Variants in APCDD1 observed in about 807,000 individuals in gnomAD.
The protein encoded by APCDD1 is protein APCDD1.
A neutral mutation model predicts 38.1 loss-of-function variants in APCDD1; 15 were observed. The observed-to-expected ratio is 0.39, with a 90% confidence interval of 0.26 to 0.61. The LOEUF (loss-of-function observed/expected upper bound fraction) is 0.61, where lower values mean the gene tolerates loss of function less well. APCDD1 is among the 20% of genes least tolerant of loss of function. APCDD1 has a pLI of 0.49. For synonymous variants in APCDD1, 261 were observed against 279.7 expected (o/e 0.93, Z 0.67); for missense variants, 647 against 696.2 (o/e 0.93, Z 0.79).
At chr18:10,487,486 A>G in intron 4 of APCDD1, 104 bp from the exon 5 acceptor site, 1 of 1,204,252 alleles carries the variant, frequency 8.3e-7, no homozygotes, top group Non-Finnish European at 1.2e-6. Context: ...GTTTTTGGAA[A>G]AGAAAGCCTT....
chr18:10,461,036 G>C (rs962375010), intron 1 of APCDD1, among the ~76,000 whole-genome samples: 1 of 152,130 alleles, frequency 6.6e-6, no homozygotes, highest in African/African-American at 2.4e-5. Context: ...TTTTTAAAAT[G>C]TGATATCTTT....
At chr18:10,482,895 A>G (rs867519226) in intron 3 of APCDD1, among the ~76,000 whole-genome samples, 2 of 152,246 alleles carry the variant, frequency 1.3e-5, no homozygotes, top group Non-Finnish European at 2.9e-5. Context: ...TACCGTACTC[A>G]GTGATGCTTT....
intron 3 of APCDD1, among the ~76,000 whole-genome samples, chr18:10,474,643 C>G (rs2030948661): frequency 6.6e-6 from 1 of 152,162 alleles, no homozygotes; most frequent in Admixed American, 6.5e-5. Flanking sequence ...AAAAATTAAC[C>G]ATCATCACGT....
chr18:10,487,378 G>A (rs1056187822), intron 4 of APCDD1, among the ~76,000 whole-genome samples: 1 of 152,174 alleles, frequency 6.6e-6, no homozygotes, highest in Non-Finnish European at 1.5e-5. Flanking sequence ...GCAGCATATC[G>A]GTGTGACTGC....
At position 10,454,876 on chromosome 18, in the gene APCDD1, C is replaced by T. The variant is rs2030327511; in HGVS notation, c.-106C>T. 4.0e-6 allele frequency: 5 copies of T among 1,240,106 alleles called. No homozygotes were observed. In the East Asian group the frequency reaches 1.6e-4, roughly 39 times the overall value. The allele number at this position is 1,240,106 out of a possible 1,614,324, so 76.8% of individuals were successfully genotyped here. A position where few individuals can be genotyped will look rare whatever the true frequency, so the allele number is the denominator to read the frequency against. ...CGCGGCAGCCGCCTGAAGCCCCGGC[C>T]TGGCCCGGCCGCACCCGGCCGGAGG... On this transcript the variant is annotated 5_prime_UTR_variant, in exon 1 of 5. Transcript: ENST00000355285.
chr18:10,460,638 G>A lies in APCDD1; in HGVS notation c.58+5599G>A, dbSNP rs577290071. Among the ~76,000 whole-genome samples the A allele has an allele frequency of 3.9e-5, 6 of 152,078 alleles. No individual in the cohort carries two copies. In the South Asian group the frequency reaches 8.3e-4, roughly 21 times the overall value. Reference sequence around the variant, plus strand: ...TATTTCACTTTTTCCTGTATATGTCGCAATGATTCAAGCCTAAGAGATACC... The same window carrying A: ...TATTTCACTTTTTCCTGTATATGTCACAATGATTCAAGCCTAAGAGATACC... On this transcript the variant is annotated intron_variant, in intron 1 of 4. Transcript: ENST00000355285.
Position 10,472,195 on chromosome 18 carries a change from T to C in APCDD1, c.774+134T>C, listed in dbSNP as rs899023134. The C allele has an allele frequency of 6.3e-6, 8 of 1,268,702 alleles. No homozygotes were observed. The highest frequency in any genetic ancestry group is 2.9e-5 in the African/African-American group (2 of 67,896). The allele number at this position is 1,268,702 out of a possible 1,614,324, so 78.6% of individuals were successfully genotyped here. ...ATGGCGGGGCAGGCCAAGGTGGGGC[T>C]GCTGCGAGGTGGGAGGAGATGGGAA... On this transcript the variant is annotated intron_variant, in intron 3 of 4. Coordinates refer to ENST00000355285, the MANE Select transcript of APCDD1 (RefSeq NM_153000.5). This position sits in a 1 kb window ranked among gnomAD's most constrained non-coding sequence, Gnocchi z 6.6.
At position 10,454,826 on chromosome 18, in the gene APCDD1, C is replaced by A; in HGVS notation, c.-156C>A. The stretch of plus-strand genomic sequence containing the variant: ...AGAGAGCGCGCGCCCCGCAGCCCCG[C>A]GCCTAGCCCGCCGGGCATGGGGCGC... On this transcript the variant is annotated 5_prime_UTR_variant, in exon 1 of 5. Coordinates refer to ENST00000355285, the MANE Select transcript of APCDD1 (RefSeq NM_153000.5). The A allele has an allele frequency of 1.0e-6, 1 of 995,146 alleles. No individual in the cohort carries two copies. Among genetic ancestry groups the A allele is most frequent in the Non-Finnish European group, 1.2e-6 (1 of 837,902 alleles). The allele number at this position is 995,146 out of a possible 1,614,324, so 61.6% of individuals were successfully genotyped here.
rs528049086 is a variant in APCDD1, at chr18:10,467,250, C to G, written c.59-1219C>G. On this transcript the variant is annotated intron_variant, in intron 1 of 4. Coordinates refer to ENST00000355285, the MANE Select transcript of APCDD1 (RefSeq NM_153000.5). This position sits in a 1 kb window ranked among gnomAD's most constrained non-coding sequence, Gnocchi z 4.8. Reference sequence around the variant, plus strand: ...ATCTAACTTCTCATTTTCAAATCATCTCTCAGAAACCGTGCCTTCTCTATG... The same window carrying G: ...ATCTAACTTCTCATTTTCAAATCATGTCTCAGAAACCGTGCCTTCTCTATG... Among the ~76,000 whole-genome samples the G allele has an allele frequency of 6.6e-6, 1 of 152,326 alleles. No individual in the cohort carries two copies. Among genetic ancestry groups the G allele is most frequent in the South Asian group, 2.1e-4 (1 of 4,824 alleles).
At chr18:10,478,119 T>A (rs903642937) in intron 3 of APCDD1, among the ~76,000 whole-genome samples, 12 of 152,156 alleles carry the variant, frequency 7.9e-5, no homozygotes, top group African/African-American at 2.9e-4. Flanking sequence ...AGTGTTTGGT[T>A]GAGTTTTGCT....
At chr18:10,460,987 A>G (rs563169038) in intron 1 of APCDD1, among the ~76,000 whole-genome samples, 1 of 152,322 alleles carries the variant, frequency 6.6e-6, no homozygotes, top group South Asian at 2.1e-4. Flanking sequence ...CTCCATGTCA[A>G]TGGTCAACCC....
Position 10,454,728 on chromosome 18 carries a change from G to A in APCDD1, c.-254G>A. ...GGCGGGACGCGGGGCCGGGCGCGGAGAAGTCGGGGCGGGCGGCAGAGAGGC... is the reference window on the plus strand; with the variant it reads ...GGCGGGACGCGGGGCCGGGCGCGGAAAAGTCGGGGCGGGCGGCAGAGAGGC... On this transcript the variant is annotated 5_prime_UTR_variant, in exon 1 of 5. Coordinates refer to ENST00000355285, the MANE Select transcript of APCDD1 (RefSeq NM_153000.5). 1 of 982,422 alleles carries A rather than the reference G, an allele frequency of 1.0e-6. No individual in the cohort carries two copies. The highest frequency in any genetic ancestry group is 1.2e-6 in the Non-Finnish European group (1 of 829,140). 60.9% of individuals were successfully genotyped at this position (982,422 alleles called of 1,614,324 possible). A position where few individuals can be genotyped will look rare whatever the true frequency, so the allele number is the denominator to read the frequency against.
chr18:10,457,628 A>G (rs2030416222), intron 1 of APCDD1, among the ~76,000 whole-genome samples: 1 of 152,212 alleles, frequency 6.6e-6, no homozygotes, highest in Admixed American at 6.5e-5. Context: ...AACTTTAATA[A>G]ATTTAGTTTC....
In APCDD1 at chr18:10,472,079, G is replaced by A. The variant is rs774471766; in HGVS notation, c.774+18G>A. On this transcript the variant is annotated intron_variant, in intron 3 of 4. Coordinates refer to ENST00000355285, the MANE Select transcript of APCDD1 (RefSeq NM_153000.5). The surrounding 1 kb of genome is among the most constrained non-coding windows in gnomAD (Gnocchi z 6.6). Reference sequence around the variant, plus strand: ...ATGCCAAGGTACCTCAGAGCTCTGTGTTCTCCTCTTTATTGAGTAAAGTGG... The same window carrying A: ...ATGCCAAGGTACCTCAGAGCTCTGTATTCTCCTCTTTATTGAGTAAAGTGG... 1.2e-6 allele frequency: 2 copies of A among 1,612,844 alleles called. No homozygotes were observed. The highest frequency in any genetic ancestry group is 2.2e-5 in the East Asian group (1 of 44,874).
At chr18:10,455,072 G>C in intron 1 of APCDD1, 33 bp downstream of exon 1, 2 of 1,550,014 alleles carry the variant, frequency 1.3e-6, no homozygotes, top group African/African-American at 2.7e-5. Flanking sequence ...AGCGCTCCCA[G>C]CCGGCGGAGG....
chr18:10,475,517 A>G lies in APCDD1; in HGVS notation c.774+3456A>G, dbSNP rs796466336. ...CTCTTTGCAAAGGAATCAGATATTT[A>G]TGGAGGAAATTAATGACTGCCTCAG... On this transcript the variant is annotated intron_variant, in intron 3 of 4. Transcript: ENST00000355285. This position sits in a 1 kb window ranked among gnomAD's most constrained non-coding sequence, Gnocchi z 4.0. Among the ~76,000 whole-genome samples, 11 of 152,350 alleles carry G rather than the reference A, an allele frequency of 7.2e-5. No homozygotes were observed. The highest frequency in any genetic ancestry group is 2.4e-4 in the African/African-American group (10 of 41,588).
intron 3 of APCDD1, among the ~76,000 whole-genome samples, chr18:10,484,589 C>T (rs75200280): frequency 2.0e-5 from 3 of 152,090 alleles, no homozygotes; most frequent in South Asian, 2.1e-4. Context: ...TTGTCCCCCC[C>T]TTCCAGCTCC....
chr18:10,479,386 C>T (rs985013116), intron 3 of APCDD1, among the ~76,000 whole-genome samples: 1 of 152,192 alleles, frequency 6.6e-6, no homozygotes, highest in African/African-American at 2.4e-5. Context: ...GATCTGTTCA[C>T]AAGATCACAT....
chr18:10,455,146 C>G, intron 1 of APCDD1, 107 bp downstream of exon 1: 1 of 1,472,922 alleles, frequency 6.8e-7, no homozygotes, highest in South Asian at 1.3e-5. Flanking sequence ...CCTACACTGT[C>G]CCCTTGGCGG....
Sources: gnomAD v4.1 joint callset for allele counts (sites outside exome capture counted in the v4.1 genomes callset) on GRCh38, gnomAD v4.1.1 for gene constraint, Gnocchi (gnomAD v3.1) non-coding constraint, MANE v1.5 for transcripts, NCBI Gene and HGNC (gene_info 2026-07-23, HGNC 2026-07-21) for gene names.